The following RAB3GAP1 variants were observed in gnomAD, a reference collection of about 807,000 sequenced individuals.
RAB3GAP1 encodes the protein rab3 GTPase-activating protein catalytic subunit.
A neutral mutation model predicts 130.7 loss-of-function variants in RAB3GAP1; 86 were observed. The observed-to-expected ratio is 0.66, with a 90% confidence interval of 0.55 to 0.79. The LOEUF (loss-of-function observed/expected upper bound fraction) is 0.79. RAB3GAP1 is among the 30% of genes least tolerant of loss of function. The pLI, the probability that RAB3GAP1 is intolerant of heterozygous loss-of-function variation, is 0.00. For synonymous variants in RAB3GAP1, 367 were observed against 401.7 expected (o/e 0.91, Z 1.03); for missense variants, 1,029 against 1,169.4 (o/e 0.88, Z 1.75).
intron 5 of RAB3GAP1, among the ~76,000 whole-genome samples, chr2:135,102,674 A>T (rs1371983523): frequency 1.3e-5 from 2 of 152,170 alleles, no homozygotes; most frequent in African/African-American, 4.8e-5. Context: ...GTCCACAAAT[A>T]ATCTTGTGAA....
rs1399985396 is a variant in RAB3GAP1 at position 135,120,672 on chromosome 2, C to G, written c.649-147C>G. ...TCATGTTTTTAATAACTAGAATATG[C>G]ACACTATTGTTTAACACTAGAATCT... On this transcript the variant is annotated intron_variant, in intron 7 of 23. Transcript: ENST00000264158. 29 of 720,780 alleles carry G rather than the reference C, an allele frequency of 4.0e-5. No homozygotes were observed. The East Asian group carries it at 7.4e-4, about 18-fold the overall frequency. The allele number at this position is 720,780 out of a possible 1,614,324, so 44.6% of individuals were successfully genotyped here. A position where few individuals can be genotyped will look rare whatever the true frequency, so the allele number is the denominator to read the frequency against.
At chr2:135,110,514 A>G (rs920326911) in intron 5 of RAB3GAP1, among the ~76,000 whole-genome samples, 1 of 152,184 alleles carries the variant, frequency 6.6e-6, no homozygotes, top group Non-Finnish European at 1.5e-5. Context: ...CATTTTATCA[A>G]TAGATAGAGG....
downstream of RAB3GAP1, among the ~76,000 whole-genome samples, chr2:135,174,399 G>A (rs1692946781): frequency 6.6e-6 from 1 of 152,224 alleles, no homozygotes; most frequent in South Asian, 2.1e-4. Context: ...TGGTGTCCCA[G>A]GAGGCAGTCT....
chr2:135,112,834 TCACACACACA>T (rs200860381), intron 5 of RAB3GAP1, among the ~76,000 whole-genome samples: 13 of 132,464 alleles, frequency 9.8e-5, no homozygotes, highest in South Asian at 6.8e-4. Context: ...TCTCTCTCTC[TCACACACACA>T]CACACACACA....
At chr2:135,084,321 A>G (rs1218509164) in intron 3 of RAB3GAP1, among the ~76,000 whole-genome samples, 1 of 152,238 alleles carries the variant, frequency 6.6e-6, no homozygotes, top group African/African-American at 2.4e-5. Flanking sequence ...TATTCTGGAT[A>G]CAAGTCCCCA....
At chr2:135,090,290 A>C (rs1690107459) in intron 3 of RAB3GAP1, among the ~76,000 whole-genome samples, 1 of 152,202 alleles carries the variant, frequency 6.6e-6, no homozygotes, top group Non-Finnish European at 1.5e-5. Flanking sequence ...AAACATTTTA[A>C]AAATAGTAAC....
At chr2:135,113,298 CA>C in intron 6 of RAB3GAP1, 28 bp downstream of exon 6, 1 of 1,612,174 alleles carries the variant, frequency 6.2e-7, no homozygotes, top group Admixed American at 1.7e-5. Flanking sequence ...AAAACCTAGA[CA>C]AAAAAACTGT....
intron 3 of RAB3GAP1, among the ~76,000 whole-genome samples, chr2:135,066,009 G>A (rs1404249212): frequency 6.6e-6 from 1 of 151,974 alleles, no homozygotes; most frequent in Non-Finnish European, 1.5e-5. Flanking sequence ...TCTTGACCTT[G>A]TGATCTGCCT....
intron 7 of RAB3GAP1, 38 bp downstream of exon 7, chr2:135,115,419 C>A: frequency 6.4e-7 from 1 of 1,558,566 alleles, no homozygotes. Flanking sequence ...TATCTGAGAT[C>A]CAGATAAAAG....
At chr2:135,071,821 A>G (rs879732841) in intron 3 of RAB3GAP1, among the ~76,000 whole-genome samples, 11 of 152,346 alleles carry the variant, frequency 7.2e-5, no homozygotes, top group African/African-American at 9.6e-5. Context: ...GGGTATGGCA[A>G]TGGCCCTGCC....
At chr2:135,117,606 G>GCTTCTTCTTCTTCTT (rs1380774068) in intron 7 of RAB3GAP1, among the ~76,000 whole-genome samples, 1 of 17,824 alleles carries the variant, frequency 5.6e-5, no homozygotes, top group African/African-American at 2.1e-4. Context: ...TGCTTCTTCT[G>GCTTCTTCTTCTTCTT]CTTCTTCTGC....
chr2:135,082,826 A>C (rs1380291356), intron 3 of RAB3GAP1, among the ~76,000 whole-genome samples: 1 of 152,036 alleles, frequency 6.6e-6, no homozygotes, highest in Non-Finnish European at 1.5e-5. Context: ...CAGTGTAGTC[A>C]TCCCTTGGTA....
At chr2:135,078,966 C>G (rs959638100) in intron 3 of RAB3GAP1, among the ~76,000 whole-genome samples, 4 of 152,154 alleles carry the variant, frequency 2.6e-5, no homozygotes, top group Non-Finnish European at 5.9e-5. Flanking sequence ...TTCCCAGGTT[C>G]AAGCAATTCT....
chr2:135,160,110 C>T (rs1692424026), intron 19 of RAB3GAP1, among the ~76,000 whole-genome samples: 1 of 152,076 alleles, frequency 6.6e-6, no homozygotes, highest in Non-Finnish European at 1.5e-5. Context: ...TGCTAAAAAC[C>T]ACTGAAGTTA....
chr2:135,118,116 A>G (rs1043782217), intron 7 of RAB3GAP1, among the ~76,000 whole-genome samples: 1 of 152,136 alleles, frequency 6.6e-6, no homozygotes, highest in Non-Finnish European at 1.5e-5. Flanking sequence ...AAGTGCCAAG[A>G]TAACAGGCAT....
In RAB3GAP1 at chr2:135,112,877, C is replaced by T. The variant is rs138289703; in HGVS notation, c.363-274C>T. On this transcript the variant is annotated intron_variant, in intron 5 of 23. Transcript: ENST00000264158. The stretch of plus-strand genomic sequence containing the variant: ...ACACACACACACACACAGATGGGCA[C>T]GCAAATATATCTGAGCCTATTTTAG... Among the ~76,000 whole-genome samples, 400 of 151,260 alleles carry T rather than the reference C, an allele frequency of 2.6e-3. 5 individuals are homozygous for T. In the South Asian group the frequency reaches 0.027, roughly 10 times the overall value.
chr2:135,093,192 A>G (rs1314127922), intron 4 of RAB3GAP1, among the ~76,000 whole-genome samples: 1 of 152,234 alleles, frequency 6.6e-6, no homozygotes, highest in Non-Finnish European at 1.5e-5. Flanking sequence ...GAAGCCAGGT[A>G]GAAGTTTTAC....
chr2:135,097,751 G>A (rs1690340850), intron 5 of RAB3GAP1, among the ~76,000 whole-genome samples: 1 of 152,122 alleles, frequency 6.6e-6, no homozygotes, highest in East Asian at 1.9e-4. Context: ...GTATTTTATT[G>A]TAAGGATATA....
chr2:135,095,238 C>T (rs112587067), intron 5 of RAB3GAP1, among the ~76,000 whole-genome samples: 6,074 of 152,152 alleles, frequency 0.04, 421 homozygotes, highest in African/African-American at 0.14. Context: ...TTAGTAGAGA[C>T]GGGGTTTCAC....
Sources: allele counts gnomAD v4.1 joint callset (sites outside exome capture counted in the v4.1 genomes callset), GRCh38; gene constraint gnomAD v4.1.1; transcripts MANE v1.5; gene names NCBI Gene and HGNC (gene_info 2026-07-23, HGNC 2026-07-21).